Variants in RORA observed in about 807,000 individuals in gnomAD.
RORA encodes the protein nuclear receptor ROR-alpha.
RORA carries 7 observed loss-of-function variants against 69.5 expected under a neutral mutation model. That is an observed-to-expected ratio of 0.10 (90% confidence interval 0.06 to 0.19). The LOEUF (loss-of-function observed/expected upper bound fraction) is 0.19. RORA is among the 10% of genes least tolerant of loss of function. The pLI is 1.00. For missense variants in RORA, 457 were observed against 663.0 expected (o/e 0.69, Z 3.41); for synonymous variants, 261 against 240.8 (o/e 1.08, Z -0.78).
chr15:60,977,049 C>G (rs568956637), intron 1 of RORA, among the ~76,000 whole-genome samples: 1 of 144,820 alleles, frequency 6.9e-6, no homozygotes. Flanking sequence ...TGAAAAGCGT[C>G]TTGTTTGGGC....
intron 2 of RORA, among the ~76,000 whole-genome samples, chr15:60,565,777 C>G (rs2067697109): frequency 6.6e-6 from 1 of 152,080 alleles, no homozygotes. Flanking sequence ...TATGATGTGG[C>G]CTGAATTGAT....
At chr15:61,130,342 C>G (rs2079179866) in intron 1 of RORA, among the ~76,000 whole-genome samples, 1 of 152,084 alleles carries the variant, frequency 6.6e-6, no homozygotes, top group Non-Finnish European at 1.5e-5. Flanking sequence ...CTTCCACAAC[C>G]CTCTCATTTC....
chr15:61,082,332 T>C (rs893948699), intron 1 of RORA, among the ~76,000 whole-genome samples: 3 of 152,010 alleles, frequency 2.0e-5, no homozygotes, highest in Non-Finnish European at 4.4e-5. Context: ...CTACTAACAA[T>C]ACAAAAATTA....
At chr15:61,152,235 GC>G (rs1488606419) in intron 1 of RORA, among the ~76,000 whole-genome samples, 1 of 152,072 alleles carries the variant, frequency 6.6e-6, no homozygotes, top group African/African-American at 2.4e-5. Context: ...TTCTCTTAAA[GC>G]TTCCCCAACT....
chr15:60,567,148 AC>A (rs770872256), intron 2 of RORA, among the ~76,000 whole-genome samples: 75 of 152,082 alleles, frequency 4.9e-4, no homozygotes, highest in African/African-American at 1.6e-3. Flanking sequence ...GCCATTAATA[AC>A]CAGGGAATTT....
intron 2 of RORA, among the ~76,000 whole-genome samples, chr15:60,623,250 T>C (rs2069468340): frequency 6.6e-6 from 1 of 152,196 alleles, no homozygotes; most frequent in South Asian, 2.1e-4. Flanking sequence ...CTCTCTGCAG[T>C]GTAGGGACCC....
chr15:60,927,988 C>T (rs916352475), intron 1 of RORA, among the ~76,000 whole-genome samples: 2 of 152,160 alleles, frequency 1.3e-5, no homozygotes, highest in African/African-American at 4.8e-5. Context: ...CAGCCATGCC[C>T]TTGTTTGGGG....
intron 2 of RORA, among the ~76,000 whole-genome samples, chr15:60,648,402 G>A (rs951508785): frequency 7.9e-5 from 12 of 152,162 alleles, no homozygotes; most frequent in Non-Finnish European, 1.5e-4. Flanking sequence ...TTAGGTGCCC[G>A]TAGATCATTT....
intron 1 of RORA, among the ~76,000 whole-genome samples, chr15:61,090,629 T>G (rs2078691355): frequency 6.6e-6 from 1 of 152,212 alleles, no homozygotes; most frequent in Non-Finnish European, 1.5e-5. Flanking sequence ...GAACAGGTCT[T>G]AAATCTCTAG....
intron 1 of RORA, among the ~76,000 whole-genome samples, chr15:60,812,706 G>C (rs2072760641): frequency 6.6e-6 from 1 of 152,166 alleles, no homozygotes; most frequent in Non-Finnish European, 1.5e-5. Flanking sequence ...TGTCCACTGT[G>C]ATAGAAGAGA....
intron 1 of RORA, among the ~76,000 whole-genome samples, chr15:60,978,340 T>A (rs1581474): frequency 0.3 from 44,892 of 152,086 alleles, 7,561 homozygotes; most frequent in East Asian, 0.58. Flanking sequence ...TCACACCCTT[T>A]GCCTATTTTA....
intron 1 of RORA, among the ~76,000 whole-genome samples, chr15:60,795,170 C>G (rs900871337): frequency 6.6e-6 from 1 of 152,146 alleles, no homozygotes; most frequent in Admixed American, 6.5e-5. Flanking sequence ...GAGTCCTTAC[C>G]TCTGAAGAAC....
At chr15:61,175,497 A>T (rs1287916940) in intron 1 of RORA, among the ~76,000 whole-genome samples, 1 of 150,010 alleles carries the variant, frequency 6.7e-6, no homozygotes, top group Non-Finnish European at 1.5e-5. Flanking sequence ...GCTTGAGTCC[A>T]TGAGTTCAAG....
intron 1 of RORA, among the ~76,000 whole-genome samples, chr15:60,991,773 T>C (rs2140370280): frequency 6.6e-6 from 1 of 152,026 alleles, no homozygotes; most frequent in Admixed American, 6.6e-5. Flanking sequence ...CCGGCCTTGA[T>C]GCTGCAAGCA....
At chr15:61,181,890 A>G (rs943125040) in intron 1 of RORA, among the ~76,000 whole-genome samples, 20 of 152,180 alleles carry the variant, frequency 1.3e-4, no homozygotes, top group African/African-American at 4.8e-4. Context: ...AATCTTGTGA[A>G]AAGCTACAGA....
chr15:60,763,096 T>TTTTA (rs375632043), intron 1 of RORA, among the ~76,000 whole-genome samples: 3,873 of 109,054 alleles, frequency 0.036, 352 homozygotes, highest in Non-Finnish European at 0.059. Flanking sequence ...TTTTTTTTTT[T>TTTTA]AACCAACCTA....
At chr15:60,566,361 T>C (rs1215425816) in intron 2 of RORA, among the ~76,000 whole-genome samples, 1 of 152,244 alleles carries the variant, frequency 6.6e-6, no homozygotes, top group African/African-American at 2.4e-5. Context: ...GTTAATAACA[T>C]TTTAATGTTA....
chr15:60,498,180 G>A (rs2065221385), intron 10 of RORA, among the ~76,000 whole-genome samples: 1 of 152,172 alleles, frequency 6.6e-6, no homozygotes. Flanking sequence ...AGCAAAAGTT[G>A]GCACAGCTTG....
chr15:61,053,397 G>A (rs751146130), intron 1 of RORA, among the ~76,000 whole-genome samples: 1 of 152,008 alleles, frequency 6.6e-6, no homozygotes, highest in South Asian at 2.1e-4. Flanking sequence ...CCGCCTGCCT[G>A]TCCAGATGTA....
Sources: gnomAD v4.1 joint callset for allele counts (sites outside exome capture counted in the v4.1 genomes callset) on GRCh38, gnomAD v4.1.1 for gene constraint, MANE v1.5 for transcripts, NCBI Gene and HGNC (gene_info 2026-07-23, HGNC 2026-07-21) for gene names.